Variants in PRKAG2 observed in about 807,000 individuals in gnomAD.
PRKAG2 encodes 5'-AMP-activated protein kinase subunit gamma-2.
A neutral mutation model predicts 69.6 loss-of-function variants in PRKAG2; 26 were observed. The observed-to-expected ratio is 0.37, with a 90% CI of 0.27 to 0.52. The LOEUF (loss-of-function observed/expected upper bound fraction) is 0.52, where lower values mean the gene tolerates loss of function less well. Among genes scored for constraint, PRKAG2 ranks in the 20% least tolerant of loss-of-function variants. PRKAG2 has a pLI of 0.90. For synonymous variants in PRKAG2, 293 were observed against 285.0 expected, an observed-to-expected ratio of 1.03 and a Z score of -0.28; for missense variants, 557 against 740.0, an observed-to-expected ratio of 0.75 and a Z score of 2.87.
intron 3 of PRKAG2, among the ~76,000 whole-genome samples, chr7:151,710,797 C>T (rs1046847270): frequency 2.0e-5 from 3 of 152,318 alleles, no homozygotes; most frequent in Non-Finnish European, 2.9e-5. Flanking sequence ...ATAGGCTCCA[C>T]GAAGCCAGGG....
In PRKAG2 at chr7:151,814,586, C is replaced by G; in HGVS notation, c.115-28045G>C. On this transcript the variant is annotated intron_variant, in intron 1 of 15. Transcript: ENST00000287878. This position sits in a 1 kb window ranked among gnomAD's most constrained non-coding sequence, Gnocchi z 4.8. The stretch of plus-strand genomic sequence containing the variant: ...CATCAGAGAAGGGGTTTCCCAGCCC[C>G]TTCAGCACAGGCAATTTCTAGGGTT... 8.1e-7 allele frequency: 1 copy of G among 1,231,770 alleles called. No individual in the cohort carries two copies. The highest frequency in any genetic ancestry group is 1.0e-6 in the Non-Finnish European group (1 of 987,984). 76.3% of individuals were successfully genotyped at this position (1,231,770 alleles called of 1,614,324 possible).
intron 3 of PRKAG2, among the ~76,000 whole-genome samples, chr7:151,725,971 C>G (rs1466226231): frequency 6.6e-6 from 1 of 152,146 alleles, no homozygotes; most frequent in East Asian, 1.9e-4. Flanking sequence ...TAAGGAGTTG[C>G]TATAGCGACA....
In PRKAG2 at chr7:151,777,915, G is replaced by A. The variant is rs760691298; in HGVS notation, c.466+3237C>T. ...ATGCAGGTGTAGTTTCTATGATCTC[G>A]TACTGCTCTGGGGTCATGGAGCCAG... On this transcript the variant is annotated intron_variant, in intron 3 of 15. Coordinates refer to ENST00000287878, the MANE Select transcript of PRKAG2 (RefSeq NM_016203.4). The surrounding 1 kb of genome is among the most constrained non-coding windows in gnomAD (Gnocchi z 4.3). 7.2e-5 allele frequency among the ~76,000 whole-genome samples: 11 copies of A among 152,112 alleles called. No homozygotes were observed. Among genetic ancestry groups the A allele is most frequent in the Admixed American group, 2.0e-4 (3 of 15,278 alleles).
At position 151,867,060 on chromosome 7, in the gene PRKAG2, G is replaced by C. The variant is rs146800551; in HGVS notation, c.114+9447C>G. ...ACTTCCAGCAGTGGGAGGAGGGGAC[G>C]CAAGGAAAGACCCAGACCTTGGAAG... is the stretch of plus-strand genomic sequence containing the variant. On this transcript the variant is annotated intron_variant, in intron 1 of 15. Coordinates refer to ENST00000287878, the MANE Select transcript of PRKAG2 (RefSeq NM_016203.4). 3.0e-3 allele frequency among the ~76,000 whole-genome samples: 451 copies of C among 152,280 alleles called. 3 individuals are homozygous for C. The highest frequency in any genetic ancestry group is 9.8e-3 in the African/African-American group (406 of 41,542).
chr7:151,662,860 C>T (rs1830522360), intron 4 of PRKAG2, among the ~76,000 whole-genome samples: 1 of 152,124 alleles, frequency 6.6e-6, no homozygotes, highest in Non-Finnish European at 1.5e-5. Flanking sequence ...GATCACACTC[C>T]AGCATGAGTG....
At chr7:151,604,619 C>G (rs1361792202) in intron 5 of PRKAG2, among the ~76,000 whole-genome samples, 1 of 152,110 alleles carries the variant, frequency 6.6e-6, no homozygotes, top group Non-Finnish European at 1.5e-5. Flanking sequence ...GCCTGGGTGA[C>G]AGAGCAAGAC....
intron 3 of PRKAG2, among the ~76,000 whole-genome samples, chr7:151,703,218 G>A (rs775691194): frequency 2.0e-5 from 3 of 152,208 alleles, no homozygotes; most frequent in Non-Finnish European, 2.9e-5. Flanking sequence ...GAGGAAAAGC[G>A]CACCTTCTCC....
intron 1 of PRKAG2, among the ~76,000 whole-genome samples, chr7:151,862,808 C>A (rs1006110149): frequency 6.6e-6 from 1 of 151,342 alleles, no homozygotes; most frequent in Admixed American, 6.6e-5. Context: ...TCCCTGGGTA[C>A]AGGGAGCACT....
intron 3 of PRKAG2, among the ~76,000 whole-genome samples, chr7:151,740,156 G>A (rs2073773578): frequency 6.6e-6 from 1 of 152,218 alleles, no homozygotes; most frequent in Non-Finnish European, 1.5e-5. Context: ...GGAGCCGACT[G>A]GAGGGACTAC....
chr7:151,673,830 C>T (rs1416450316), intron 4 of PRKAG2, among the ~76,000 whole-genome samples: 3 of 138,700 alleles, frequency 2.2e-5, no homozygotes, highest in Non-Finnish European at 4.6e-5. Flanking sequence ...TCCAATGTAG[C>T]TTGTGTTCTT....
At chr7:151,731,994 C>T (rs1799016141) in intron 3 of PRKAG2, among the ~76,000 whole-genome samples, 1 of 152,106 alleles carries the variant, frequency 6.6e-6, no homozygotes, top group South Asian at 2.1e-4. Context: ...CACACAACCA[C>T]ACCCAACTAA....
rs1221115222 is a variant in PRKAG2, at chr7:151,556,808, G to A, written c.*393C>T. On this transcript the variant is annotated 3_prime_UTR_variant, in exon 16 of 16. Transcript: ENST00000287878. ...GTGTTGTTTCACACGCGTGCGCCCC[G>A]GCTGCGGCGGTGACATATTGCTGTA... is the stretch of plus-strand genomic sequence containing the variant. The A allele has an allele frequency of 9.9e-6, 2 of 201,490 alleles. No homozygotes were observed. Among genetic ancestry groups the A allele is most frequent in the Non-Finnish European group, 1.0e-5 (1 of 98,108 alleles). 12.5% of individuals were successfully genotyped at this position (201,490 alleles called of 1,614,324 possible).
intron 1 of PRKAG2, among the ~76,000 whole-genome samples, chr7:151,832,575 G>A (rs1175224622): frequency 7.3e-6 from 1 of 137,630 alleles, no homozygotes; most frequent in Non-Finnish European, 1.6e-5. Context: ...GGGCTGGTCT[G>A]CTGGGCACTG....
Position 151,557,143 on chromosome 7 carries a change from A to G in PRKAG2, c.*58T>C, listed in dbSNP as rs1803917220. On this transcript the variant is annotated 3_prime_UTR_variant, in exon 16 of 16. Coordinates refer to ENST00000287878, the MANE Select transcript of PRKAG2 (RefSeq NM_016203.4). The stretch of plus-strand genomic sequence containing the variant: ...CTTGCAGCCAGTGTTCATGAGGCAA[A>G]ACGTGACCCAGAGACTTTGTTCAAG... The G allele has an allele frequency of 6.2e-7, 1 of 1,613,676 alleles. No individual in the cohort carries two copies. The highest frequency in any genetic ancestry group is 1.1e-5 in the South Asian group (1 of 91,074).
rs1806607797 is a variant in PRKAG2, at chr7:151,567,827, C to A, written c.1233+889G>T. Among the ~76,000 whole-genome samples, 1 of 152,218 alleles carries A rather than the reference C, an allele frequency of 6.6e-6. No homozygotes were observed. Among genetic ancestry groups the A allele is most frequent in the Non-Finnish European group, 1.5e-5 (1 of 68,036 alleles). On this transcript the variant is annotated intron_variant, in intron 11 of 15. Transcript: ENST00000287878. The surrounding 1 kb of genome is among the most constrained non-coding windows in gnomAD (Gnocchi z 4.2). ...GCTTCTGTCAGCAAAAGGGGTCCCT[C>A]AAGCTGCCTCCAGGGCAGGAGCTTC...
At chr7:151,786,883 A>G (rs373947257) in intron 1 of PRKAG2, among the ~76,000 whole-genome samples, 1 of 152,228 alleles carries the variant, frequency 6.6e-6, no homozygotes, top group African/African-American at 2.4e-5. Flanking sequence ...GCTGATGGAC[A>G]TGATTTTACC....
In PRKAG2 at chr7:151,739,651, G is replaced by A. The variant is rs142800806; in HGVS notation, c.466+41501C>T. 1.1e-3 allele frequency among the ~76,000 whole-genome samples: 160 copies of A among 151,918 alleles called. 1 individual carries two copies. Among genetic ancestry groups the A allele is most frequent in the Non-Finnish European group, 1.4e-3 (92 of 67,950 alleles). On this transcript the variant is annotated intron_variant, in intron 3 of 15. Transcript: ENST00000287878. The stretch of plus-strand genomic sequence containing the variant: ...CACCCAGGCAATTTTTGTATTTTTC[G>A]TAGAGACGGGGGTTTCGCCATGTTG...
At chr7:151,855,119 CA>C (rs2079695193) in intron 1 of PRKAG2, among the ~76,000 whole-genome samples, 1 of 56,386 alleles carries the variant, frequency 1.8e-5, no homozygotes. Context: ...ACCCTACACA[CA>C]CACCATCCTC....
Position 151,632,328 on chromosome 7 carries a change from G to A in PRKAG2, c.685-190C>T, listed in dbSNP as rs1157593232. 8 of 714,128 alleles carry A rather than the reference G, an allele frequency of 1.1e-5. No homozygotes were observed. The highest frequency in any genetic ancestry group is 3.9e-5 in the African/African-American group (2 of 51,722). The allele number at this position is 714,128 out of a possible 1,614,324, so 44.2% of individuals were successfully genotyped here. On this transcript the variant is annotated intron_variant, in intron 4 of 15. Coordinates refer to ENST00000287878, the MANE Select transcript of PRKAG2 (RefSeq NM_016203.4). The surrounding 1 kb of genome is among the most constrained non-coding windows in gnomAD (Gnocchi z 4.2). ...CTGCCCCCACCCGCCCGAGGCCGCC[G>A]CCGCCGCCGCAGGTGGCGCGGCCGC...
Sources: gnomAD v4.1 joint callset for allele counts (sites outside exome capture counted in the v4.1 genomes callset) on GRCh38, gnomAD v4.1.1 for gene constraint, Gnocchi (gnomAD v3.1) non-coding constraint, MANE v1.5 for transcripts, NCBI Gene and HGNC (gene_info 2026-07-23, HGNC 2026-07-21) for gene names.